BCAS3: variants seen among roughly 807,000 people sequenced by gnomAD.
The protein encoded by BCAS3 is BCAS3 microtubule associated cell migration factor, also known as BCAS4/BCAS3 fusion.
BCAS3 carries 53 observed loss-of-function variants against 116.1 expected under a neutral mutation model. That is an observed-to-expected ratio of 0.46 (90% confidence interval 0.37 to 0.57). BCAS3 has a LOEUF of 0.57. Ranked by LOEUF, BCAS3 falls within the 20% of genes least tolerant of loss-of-function variation. The probability of loss-of-function intolerance (pLI) is 0.00; values close to 1 mark genes in which losing one functional copy is unlikely to be tolerated. For synonymous variants in BCAS3, 391 were observed against 408.2 expected (o/e 0.96, Z 0.51); for missense variants, 917 against 1,165.4 (o/e 0.79, Z 3.10).
At chr17:60,741,683 T>C (rs1212210252) in intron 5 of BCAS3, among the ~76,000 whole-genome samples, 2 of 152,190 alleles carry the variant, frequency 1.3e-5, no homozygotes, top group Non-Finnish European at 2.9e-5. Flanking sequence ...TCCATAATTT[T>C]TGGACACCTA....
rs147931876 is a variant in BCAS3, at chr17:61,175,814, A to G, written c.2425+91250A>G. On this transcript the variant is annotated intron_variant, in intron 22 of 23. Transcript: ENST00000407086. ...TATAAAAAGCTCAGAACTCAAGAAT[A>G]AGAAAGCTAACAACTGAATTAAAAA... is the stretch of plus-strand genomic sequence containing the variant. Among the ~76,000 whole-genome samples the G allele has an allele frequency of 3.3e-3, 506 of 152,300 alleles. 3 individuals carry two copies. Among genetic ancestry groups the G allele is most frequent in the Non-Finnish European group, 4.5e-3 (309 of 68,020 alleles).
rs1355208867 is a variant in BCAS3 at position 61,026,339 on chromosome 17, C to T, written c.1638-8327C>T. Among the ~76,000 whole-genome samples the T allele has an allele frequency of 6.6e-6, 1 of 151,914 alleles. No individual in the cohort carries two copies. Among genetic ancestry groups the T allele is most frequent in the African/African-American group, 2.4e-5 (1 of 41,386 alleles). On this transcript the variant is annotated intron_variant, in intron 16 of 23. Transcript: ENST00000407086. The surrounding 1 kb of genome is among the most constrained non-coding windows in gnomAD (Gnocchi z 5.0). ...TTGTACTTAGTGTTTTTTCCTTTGA[C>T]CAACAATATACAATTCAACTTACGA...
At chr17:60,908,247 T>C (rs1402032726) in intron 11 of BCAS3, among the ~76,000 whole-genome samples, 2 of 152,196 alleles carry the variant, frequency 1.3e-5, no homozygotes, top group African/African-American at 4.8e-5. Context: ...TGTGGATCTT[T>C]TTCCTGGTTC....
At chr17:60,706,124 G>A (rs1315277452) in intron 4 of BCAS3, among the ~76,000 whole-genome samples, 2 of 152,032 alleles carry the variant, frequency 1.3e-5, no homozygotes, top group East Asian at 3.9e-4. Flanking sequence ...GTGCAGTGGT[G>A]TGATCTCGGC....
intron 4 of BCAS3, among the ~76,000 whole-genome samples, chr17:60,689,974 T>A (rs936348142): frequency 1.3e-5 from 2 of 152,216 alleles, no homozygotes; most frequent in Non-Finnish European, 2.9e-5. Flanking sequence ...GTGTAAGTGT[T>A]AAACTTTGAT....
chr17:61,103,432 A>G (rs565594194), intron 22 of BCAS3, among the ~76,000 whole-genome samples: 1 of 152,300 alleles, frequency 6.6e-6, no homozygotes, highest in Admixed American at 6.5e-5. Flanking sequence ...TAACCAGTTC[A>G]TGGAGGTTTT....
intron 4 of BCAS3, among the ~76,000 whole-genome samples, chr17:60,707,122 G>T (rs2037261386): frequency 6.6e-6 from 1 of 151,980 alleles, no homozygotes; most frequent in African/African-American, 2.4e-5. Flanking sequence ...CTCCCGTGTA[G>T]CTGGGATTAC....
intron 7 of BCAS3, among the ~76,000 whole-genome samples, chr17:60,856,543 T>A (rs1353727814): frequency 1.3e-5 from 2 of 151,966 alleles, no homozygotes; most frequent in African/African-American, 4.8e-5. Context: ...ACAAAAAAAT[T>A]AGCCAGGTGT....
rs554356074 is a variant in BCAS3 at position 61,045,893 on chromosome 17, T to TA, written c.2029+5003dup. ...TATATATAAATATATATTATATATA[T>TA]AATATATATAAATATATATTTATAT... is the stretch of plus-strand genomic sequence containing the variant. On this transcript the variant is annotated intron_variant, in intron 19 of 23. Coordinates refer to ENST00000407086, the MANE Select transcript of BCAS3 (RefSeq NM_017679.5). 1.9e-3 allele frequency among the ~76,000 whole-genome samples: 74 copies of TA among 38,048 alleles called. 10 individuals are homozygous for TA. The African/African-American group carries it at 0.026, about 13-fold the overall frequency. The allele number at this position is 38,048 out of a possible 152,430, so 25.0% of individuals were successfully genotyped here.
chr17:61,176,177 A>G (rs2079134117), intron 22 of BCAS3, among the ~76,000 whole-genome samples: 1 of 150,000 alleles, frequency 6.7e-6, no homozygotes, highest in Non-Finnish European at 1.5e-5. Context: ...AGAAAAAGAA[A>G]AAATTTGGAC....
intron 22 of BCAS3, among the ~76,000 whole-genome samples, chr17:61,270,884 C>T (rs144843947): frequency 9.5e-4 from 144 of 151,824 alleles, no homozygotes; most frequent in Non-Finnish European, 1.2e-3. Flanking sequence ...CTCAGCCTCC[C>T]GAGTAGCTGG....
At chr17:60,965,852 G>A (rs974345794) in intron 14 of BCAS3, among the ~76,000 whole-genome samples, 1 of 152,336 alleles carries the variant, frequency 6.6e-6, no homozygotes, top group African/African-American at 2.4e-5. Context: ...ACGTAGTTAG[G>A]CTTGTTGGAT....
In BCAS3 at chr17:61,156,641, A is replaced by G. The variant is rs2077857558; in HGVS notation, c.2425+72077A>G. Among the ~76,000 whole-genome samples the G allele has an allele frequency of 6.6e-6, 1 of 152,172 alleles. No homozygotes were observed. The highest frequency in any genetic ancestry group is 2.4e-5 in the African/African-American group (1 of 41,442). ...TAAGAAATTTCAGAGGGATTTTTAA[A>G]TATGAAACTGTGTCTTTTTGTAGTT... On this transcript the variant is annotated intron_variant, in intron 22 of 23. Transcript: ENST00000407086. The surrounding 1 kb of genome is among the most constrained non-coding windows in gnomAD (Gnocchi z 4.7).
intron 7 of BCAS3, among the ~76,000 whole-genome samples, chr17:60,829,589 G>T (rs987128711): frequency 1.3e-5 from 2 of 152,082 alleles, no homozygotes; most frequent in African/African-American, 4.8e-5. Context: ...GCCATTGAGG[G>T]TTTGATGAAT....
intron 15 of BCAS3, among the ~76,000 whole-genome samples, chr17:60,991,396 A>ATACAT (rs2063517109): frequency 6.6e-6 from 1 of 152,196 alleles, no homozygotes; most frequent in Non-Finnish European, 1.5e-5. Context: ...TATGTATACT[A>ATACAT]ATTTTTGAGT....
chr17:61,123,706 C>T (rs968674390), intron 22 of BCAS3, among the ~76,000 whole-genome samples: 11 of 152,034 alleles, frequency 7.2e-5, no homozygotes, highest in Middle Eastern at 3.4e-3. Context: ...TAAAGTGATC[C>T]GTAATCTGCC....
intron 10 of BCAS3, among the ~76,000 whole-genome samples, chr17:60,891,074 T>A (rs1437333145): frequency 2.6e-5 from 4 of 152,210 alleles, no homozygotes; most frequent in Admixed American, 1.3e-4. Flanking sequence ...TTTTCCAGTA[T>A]ATCTTGTAAA....
rs115106196 is a variant in BCAS3, at chr17:61,002,377, A to G, written c.1486+12142A>G. On this transcript the variant is annotated intron_variant, in intron 15 of 23. Transcript: ENST00000407086. Reference sequence around the variant, plus strand: ...CTTGTGGAAATATTTTTTCTTTTCTATGTATTTTTTACATGGGCAAATCAT... The same window carrying G: ...CTTGTGGAAATATTTTTTCTTTTCTGTGTATTTTTTACATGGGCAAATCAT... 7.1e-3 allele frequency among the ~76,000 whole-genome samples: 1,072 copies of G among 151,966 alleles called. 14 individuals carry two copies. The highest frequency in any genetic ancestry group is 0.025 in the African/African-American group (1,022 of 41,458).
Position 61,222,469 on chromosome 17 carries a change from A to T in BCAS3, c.2425+137905A>T, listed in dbSNP as rs2082160681. ...AAATTCTGTAAGTCTACTTAAAAAG[A>T]AAAGGACTCGTAGCATTCCTCTTTT... On this transcript the variant is annotated intron_variant, in intron 22 of 23. Transcript: ENST00000407086. The surrounding 1 kb of genome is among the most constrained non-coding windows in gnomAD (Gnocchi z 6.1). Among the ~76,000 whole-genome samples, 1 of 152,198 alleles carries T rather than the reference A, an allele frequency of 6.6e-6. No homozygotes were observed. The highest frequency in any genetic ancestry group is 2.4e-5 in the African/African-American group (1 of 41,446).
Sources: gnomAD v4.1 joint callset for allele counts (sites outside exome capture counted in the v4.1 genomes callset) on GRCh38, gnomAD v4.1.1 for gene constraint, Gnocchi (gnomAD v3.1) non-coding constraint, MANE v1.5 for transcripts, NCBI Gene and HGNC (gene_info 2026-07-23, HGNC 2026-07-21) for gene names.